The following PPARD variants were observed in gnomAD, a reference collection of about 807,000 sequenced individuals.
PPARD encodes the protein peroxisome proliferator-activated receptor delta.
PPARD carries 6 observed loss-of-function variants against 39.5 expected under a neutral mutation model. The ratio of observed to expected loss-of-function variants is 0.15; its 90% CI spans 0.08 to 0.30. PPARD has a LOEUF of 0.30. Ranked by LOEUF, PPARD falls within the 10% of genes least tolerant of loss-of-function variation. PPARD has a pLI of 1.00. For synonymous variants in PPARD, 210 were observed against 231.3 expected, an observed-to-expected ratio of 0.91 and a Z score of 0.83; for missense variants, 397 against 596.8, an observed-to-expected ratio of 0.67 and a Z score of 3.49.
intron 2 of PPARD, among the ~76,000 whole-genome samples, chr6:35,358,310 C>T (rs961163966): frequency 1.1e-4 from 16 of 152,200 alleles, no homozygotes; most frequent in Non-Finnish European, 2.1e-4. Context: ...AAACTGTTTT[C>T]CCTTAGAACC....
At chr6:35,375,036 A>G (rs1186855033) in intron 2 of PPARD, among the ~76,000 whole-genome samples, 5 of 152,002 alleles carry the variant, frequency 3.3e-5, no homozygotes. Context: ...TTTTTGTGTC[A>G]CGATGTTTAG....
At chr6:35,402,383 A>G (rs909547664) in intron 2 of PPARD, among the ~76,000 whole-genome samples, 1 of 152,120 alleles carries the variant, frequency 6.6e-6, no homozygotes, top group Admixed American at 6.5e-5. Context: ...CTCCCAGTGG[A>G]GAGGTGATGC....
At position 35,374,316 on chromosome 6, in the gene PPARD, G is replaced by T. The variant is rs929316053; in HGVS notation, c.-102+27166G>T. Among the ~76,000 whole-genome samples, 1,457 of 150,228 alleles carry T rather than the reference G, an allele frequency of 9.7e-3. 29 individuals carry two copies. Among genetic ancestry groups the T allele is most frequent in the Middle Eastern group, 0.017 (5 of 294 alleles). ...TGGTTAGTTCTCGGCGGTGGGGCGG[G>T]GGGGTTTAGTGGGCAATTGCTTTTT... is the stretch of plus-strand genomic sequence containing the variant. On this transcript the variant is annotated intron_variant, in intron 2 of 7. Coordinates refer to ENST00000360694, the MANE Select transcript of PPARD (RefSeq NM_006238.5).
chr6:35,390,499 C>G (rs1281994280), intron 2 of PPARD, among the ~76,000 whole-genome samples: 1 of 152,108 alleles, frequency 6.6e-6, no homozygotes, highest in Non-Finnish European at 1.5e-5. Context: ...TTCCAAATTC[C>G]CAACAGTTAT....
chr6:35,378,262 C>T (rs902269778), intron 2 of PPARD, among the ~76,000 whole-genome samples: 2 of 152,102 alleles, frequency 1.3e-5, no homozygotes, highest in African/African-American at 4.8e-5. Context: ...ATTTGGTGGG[C>T]ATTCAGTGTT....
At chr6:35,350,837 G>A (rs996790483) in intron 2 of PPARD, among the ~76,000 whole-genome samples, 8 of 151,972 alleles carry the variant, frequency 5.3e-5, no homozygotes, top group African/African-American at 1.9e-4. Context: ...ATGTTGGTCA[G>A]GCTGGTCTTG....
intron 2 of PPARD, among the ~76,000 whole-genome samples, chr6:35,383,451 C>T (rs1010167129): frequency 1.3e-5 from 2 of 152,008 alleles, no homozygotes; most frequent in Non-Finnish European, 2.9e-5. Context: ...CCGGCCGCCA[C>T]CCCGTCTGGG....
intron 2 of PPARD, among the ~76,000 whole-genome samples, chr6:35,387,650 GT>G (rs1290421597): frequency 7.9e-5 from 11 of 139,212 alleles, no homozygotes; most frequent in South Asian, 2.3e-4. Context: ...CACCTAGTTG[GT>G]TTTTTTTTTG....
rs1325058466 is a variant in PPARD at position 35,366,441 on chromosome 6, G to T, written c.-102+19291G>T. Among the ~76,000 whole-genome samples, 1 of 151,718 alleles carries T rather than the reference G, an allele frequency of 6.6e-6. No individual in the cohort carries two copies. Among genetic ancestry groups the T allele is most frequent in the African/African-American group, 2.4e-5 (1 of 40,984 alleles). ...AGTTGCTATACAGGACAATTAATCT[G>T]ATAGCATTTATGCTAGAGGGGTCAA... On this transcript the variant is annotated intron_variant, in intron 2 of 7. Transcript: ENST00000360694. This position sits in a 1 kb window ranked among gnomAD's most constrained non-coding sequence, Gnocchi z 4.6.
intron 2 of PPARD, among the ~76,000 whole-genome samples, chr6:35,409,820 T>C (rs577227661): frequency 6.6e-6 from 1 of 152,270 alleles, no homozygotes; most frequent in South Asian, 2.1e-4. Context: ...TGGCTGTACA[T>C]TACAATCACC....
In PPARD at chr6:35,411,357, A is replaced by C. The variant is rs1028222397; in HGVS notation, c.130+140A>C. The stretch of plus-strand genomic sequence containing the variant: ...GGACTGGAGCCGGAAGCCTGGGTTC[A>C]CGCCCAGTGCGGTGGGGATCTGCTC... On this transcript the variant is annotated intron_variant, in intron 3 of 7. Coordinates refer to ENST00000360694, the MANE Select transcript of PPARD (RefSeq NM_006238.5). 1.7e-4 allele frequency: 193 copies of C among 1,107,360 alleles called. 1 individual carries two copies. The highest frequency in any genetic ancestry group is 5.4e-4 in the Admixed American group (15 of 27,996). 68.6% of individuals were successfully genotyped at this position (1,107,360 alleles called of 1,614,324 possible). A position where few individuals can be genotyped will look rare whatever the true frequency, so the allele number is the denominator to read the frequency against.
Position 35,425,821 on chromosome 6 carries a change from T to C in PPARD, c.1079-11T>C, listed in dbSNP as rs769784148. ...TTTCTGAGCTCCCTGGCGTGCCCTG[T>C]GTCCCCACAGACCGGCCAGGCCTCA... On this transcript the variant is annotated splice_polypyrimidine_tract_variant and intron_variant, in intron 7 of 7. Transcript: ENST00000360694. This position sits in a 1 kb window ranked among gnomAD's most constrained non-coding sequence, Gnocchi z 4.5. 1 of 1,613,514 alleles carries C rather than the reference T, an allele frequency of 6.2e-7. No homozygotes were observed. The highest frequency in any genetic ancestry group is 1.1e-5 in the South Asian group (1 of 91,066).
Position 35,411,184 on chromosome 6 carries a change from C to A in PPARD, c.97C>A (p.Pro33Thr). ...AEGAPELNGG[P>T]QHALPSSSYT... ...AGGAGCCCCAGAGCTCAATGGGGGACCACAGCATGCACTTCCTTCCAGCAG... is the reference window on the plus strand; with the variant it reads ...AGGAGCCCCAGAGCTCAATGGGGGAACACAGCATGCACTTCCTTCCAGCAG... The change falls in exon 3 of 8, where the codon CCA becomes ACA. Residue 33 changes from proline to threonine, a missense_variant. Coordinates refer to ENST00000360694, the MANE Select transcript of PPARD (RefSeq NM_006238.5). 6.4e-7 allele frequency: 1 copy of A among 1,562,066 alleles called. No individual in the cohort carries two copies. The highest frequency in any genetic ancestry group is 1.2e-5 in the South Asian group (1 of 84,372).
intron 3 of PPARD, among the ~76,000 whole-genome samples, chr6:35,418,413 G>A (rs955743860): frequency 3.3e-5 from 5 of 152,254 alleles, no homozygotes; most frequent in Non-Finnish European, 5.9e-5. Flanking sequence ...CACCCAGGCA[G>A]CCTGAGGACT....
chr6:35,392,680 G>C (rs1764082548), intron 2 of PPARD, among the ~76,000 whole-genome samples: 1 of 152,160 alleles, frequency 6.6e-6, no homozygotes, highest in South Asian at 2.1e-4. Context: ...GGACGCCCCA[G>C]GATTTGGGTG....
intron 2 of PPARD, among the ~76,000 whole-genome samples, chr6:35,407,404 C>A (rs1456796105): frequency 1.3e-5 from 2 of 152,004 alleles, no homozygotes; most frequent in Admixed American, 1.3e-4. Context: ...ACCCTTGTCA[C>A]CCGTGCTGCT....
intron 4 of PPARD, 23 bp from the exon 5 acceptor site, chr6:35,421,797 C>G: frequency 1.3e-6 from 2 of 1,591,886 alleles, no homozygotes; most frequent in Non-Finnish European, 1.7e-6. Flanking sequence ...GTGGCCTTTC[C>G]TCACCTGTTC....
At chr6:35,406,182 T>A (rs1406426797) in intron 2 of PPARD, among the ~76,000 whole-genome samples, 1 of 152,186 alleles carries the variant, frequency 6.6e-6, no homozygotes, top group Non-Finnish European at 1.5e-5. Context: ...TGCCTCAGCC[T>A]CTCAAAGTGC....
chr6:35,425,686 C>A lies in PPARD; in HGVS notation c.1079-146C>A. ...ACCAGGGGTAGGGAGATTAGAACAC[C>A]CAGTGGAGCATTGCTGATGGGACAG... On this transcript the variant is annotated intron_variant, in intron 7 of 7. Transcript: ENST00000360694. This position sits in a 1 kb window ranked among gnomAD's most constrained non-coding sequence, Gnocchi z 4.5. 8.0e-7 allele frequency: 1 copy of A among 1,251,040 alleles called. No individual in the cohort carries two copies. 77.5% of individuals were successfully genotyped at this position (1,251,040 alleles called of 1,614,324 possible).
Sources: allele counts gnomAD v4.1 joint callset (sites outside exome capture counted in the v4.1 genomes callset), GRCh38; gene constraint gnomAD v4.1.1; non-coding constraint Gnocchi (gnomAD v3.1); transcripts MANE v1.5; gene names NCBI Gene and HGNC (gene_info 2026-07-23, HGNC 2026-07-21).